Variants in MAX observed in about 807,000 individuals in gnomAD.
MAX encodes the protein MYC associated transcriptional regulator X, also known as protein max.
Under a neutral mutation model 22.3 loss-of-function variants are expected in MAX, and 3 were observed. The ratio of observed to expected loss-of-function variants is 0.13; its 90% CI spans 0.06 to 0.35. The LOEUF (loss-of-function observed/expected upper bound fraction) is 0.35, where lower values mean the gene tolerates loss of function less well. Among genes scored for constraint, MAX ranks in the 10% least tolerant of loss-of-function variants. The pLI is 1.00. For synonymous variants in MAX, 72 were observed against 77.7 expected (o/e 0.93, Z 0.39); for missense variants, 119 against 209.4 (o/e 0.57, Z 2.66).
Position 65,012,780 on chromosome 14 carries a change from T to C in MAX, c.172-6496A>G, listed in dbSNP as rs1223061260. Among the ~76,000 whole-genome samples the C allele has an allele frequency of 1.3e-5, 2 of 152,244 alleles. No homozygotes were observed. The highest frequency in any genetic ancestry group is 4.8e-5 in the African/African-American group (2 of 41,458). On this transcript the variant is annotated intron_variant, in intron 3 of 3. Transcript: ENST00000341653. The surrounding 1 kb of genome is among the most constrained non-coding windows in gnomAD (Gnocchi z 5.0). The stretch of plus-strand genomic sequence containing the variant: ...AGGACTATTGTCCAAACCTGTTAAG[T>C]CTGTATCGTGATGGTTACAAATTTT...
In MAX at chr14:65,075,360, C is replaced by T; in HGVS notation, c.*1116G>A. ...AAACCCTTCACTGGCATCTGCTGAC[C>T]ACAGCCAGAACCAGGGCTGGATCAC... On this transcript the variant is annotated 3_prime_UTR_variant, in exon 5 of 5. Coordinates refer to ENST00000358664, the MANE Select transcript of MAX (RefSeq NM_002382.5). This position sits in a 1 kb window ranked among gnomAD's most constrained non-coding sequence, Gnocchi z 4.1. The T allele has an allele frequency of 9.4e-7, 1 of 1,063,358 alleles. No homozygotes were observed. 65.9% of individuals were successfully genotyped at this position (1,063,358 alleles called of 1,614,324 possible).
intron 3 of MAX, among the ~76,000 whole-genome samples, chr14:65,036,864 C>T (rs185834539): frequency 2.4e-4 from 37 of 152,234 alleles, no homozygotes; most frequent in African/African-American, 8.4e-4. Context: ...TCTCAAACTC[C>T]TGACCTCAAG....
At chr14:65,066,723 G>A (rs1410407855) in intron 3 of MAX, among the ~76,000 whole-genome samples, 2 of 151,902 alleles carry the variant, frequency 1.3e-5, no homozygotes, top group African/African-American at 4.8e-5. Flanking sequence ...GCATGGTGGT[G>A]CATACCTGTA....
chr14:65,080,095 A>G (rs1291477155), intron 3 of MAX, among the ~76,000 whole-genome samples: 1 of 152,216 alleles, frequency 6.6e-6, no homozygotes, highest in Non-Finnish European at 1.5e-5. Context: ...GACTAGAGAC[A>G]CCACGGGAAA....
intron 3 of MAX, among the ~76,000 whole-genome samples, chr14:65,020,194 A>C (rs949166622): frequency 6.6e-6 from 1 of 152,248 alleles, no homozygotes; most frequent in Non-Finnish European, 1.5e-5. Flanking sequence ...GTCAGCTGCT[A>C]TGACCGCTGA....
chr14:65,031,979 CGT>C lies in MAX; in HGVS notation c.172-25697_172-25696del, dbSNP rs563468928. On this transcript the variant is annotated intron_variant, in intron 3 of 3. Coordinates refer to the MAX transcript ENST00000341653. The surrounding 1 kb of genome is among the most constrained non-coding windows in gnomAD (Gnocchi z 4.6). ...ATAGACGTGCGCCTTTTTCATTTAA[CGT>C]GTGTGTGTGTGTGTGTGTGTGTGTG... 0.09 allele frequency among the ~76,000 whole-genome samples: 12,624 copies of C among 140,958 alleles called. 1,214 individuals are homozygous for C. The highest frequency in any genetic ancestry group is 0.26 in the African/African-American group (9,687 of 37,810). The allele number at this position is 140,958 out of a possible 152,430, so 92.5% of individuals were successfully genotyped here.
At chr14:65,041,050 G>T in intron 3 of MAX, 2 of 1,423,764 alleles carry the variant, frequency 1.4e-6, no homozygotes, top group Non-Finnish European at 1.9e-6. Flanking sequence ...CCAACACAGA[G>T]GAAGGAGTGA....
chr14:65,018,751 G>A (rs924492836), intron 3 of MAX, among the ~76,000 whole-genome samples: 6 of 148,200 alleles, frequency 4.0e-5, no homozygotes, highest in Non-Finnish European at 8.9e-5. Context: ...TGGACGTTGC[G>A]ACGAGCCAAG....
chr14:65,073,420 G>C (rs2063009764), downstream of MAX, among the ~76,000 whole-genome samples: 1 of 152,154 alleles, frequency 6.6e-6, no homozygotes, highest in East Asian at 1.9e-4. Flanking sequence ...AGTTGTTGAT[G>C]TTTTACAATG....
chr14:65,098,475 T>C (rs2063731094), intron 2 of MAX, among the ~76,000 whole-genome samples: 1 of 152,202 alleles, frequency 6.6e-6, no homozygotes, highest in Non-Finnish European at 1.5e-5. Flanking sequence ...CTCAGTCAGG[T>C]GCCATCAAGG....
intron 3 of MAX, among the ~76,000 whole-genome samples, chr14:65,080,280 T>C (rs2063169066): frequency 6.6e-6 from 1 of 152,240 alleles, no homozygotes; most frequent in African/African-American, 2.4e-5. Flanking sequence ...GTTTCTTTAG[T>C]TGAGTCAGTC....
chr14:65,080,280 T>A (rs2063169066), intron 3 of MAX, among the ~76,000 whole-genome samples: 1 of 152,240 alleles, frequency 6.6e-6, no homozygotes, highest in Admixed American at 6.5e-5. Context: ...GTTTCTTTAG[T>A]TGAGTCAGTC....
At position 65,031,923 on chromosome 14, in the gene MAX, T is replaced by C. The variant is rs775457611; in HGVS notation, c.172-25639A>G. On this transcript the variant is annotated intron_variant, in intron 3 of 3. Transcript: ENST00000341653. This position sits in a 1 kb window ranked among gnomAD's most constrained non-coding sequence, Gnocchi z 4.6. ...GCGACAGAGTGAGACCCTGTCTCAATAAAAACCAAAACAAAAGCAAAACAA... is the reference window on the plus strand; with the variant it reads ...GCGACAGAGTGAGACCCTGTCTCAACAAAAACCAAAACAAAAGCAAAACAA... Among the ~76,000 whole-genome samples, 1 of 151,336 alleles carries C rather than the reference T, an allele frequency of 6.6e-6. No homozygotes were observed. The highest frequency in any genetic ancestry group is 6.6e-5 in the Admixed American group (1 of 15,196).
intron 3 of MAX, chr14:65,053,467 A>G (rs930172517): frequency 9.1e-6 from 8 of 877,288 alleles, no homozygotes; most frequent in Non-Finnish European, 1.1e-5. Flanking sequence ...CAGCACCTGC[A>G]TAGCGCTAGG....
chr14:65,038,516 G>A (rs1210704532), intron 3 of MAX, among the ~76,000 whole-genome samples: 3 of 151,812 alleles, frequency 2.0e-5, no homozygotes, highest in South Asian at 2.1e-4. Context: ...TCAGGAGTTC[G>A]AAACCAGCCT....
Position 65,032,214 on chromosome 14 carries a change from A to G in MAX, c.172-25930T>C, listed in dbSNP as rs1395119565. 6.3e-6 allele frequency: 1 copy of G among 158,314 alleles called. No individual in the cohort carries two copies. Among genetic ancestry groups the G allele is most frequent in the East Asian group, 1.9e-4 (1 of 5,396 alleles). The allele number at this position is 158,314 out of a possible 1,614,324, so 9.8% of individuals were successfully genotyped here. ...CTGTAAACAGAAATCCTGGCTCTGA[A>G]ACAGTACTAACATCCAAATGAATGA... On this transcript the variant is annotated intron_variant, in intron 3 of 3. Transcript: ENST00000341653. The surrounding 1 kb of genome is among the most constrained non-coding windows in gnomAD (Gnocchi z 5.0).
chr14:65,022,177 C>T, intron 3 of MAX: 3 of 420,296 alleles, frequency 7.1e-6, no homozygotes, highest in South Asian at 5.2e-5. Flanking sequence ...AGTACGAGAA[C>T]AAGCTTGATG....
chr14:65,044,592 G>A lies in MAX; in HGVS notation c.172-38308C>T, dbSNP rs2062433366. The A allele has an allele frequency of 3.4e-6, 4 of 1,174,224 alleles. No homozygotes were observed. In the Admixed American group the frequency reaches 1.0e-4, roughly 30 times the overall value. The allele number at this position is 1,174,224 out of a possible 1,614,324, so 72.7% of individuals were successfully genotyped here. The stretch of plus-strand genomic sequence containing the variant: ...GCCCAGTGTGGAACCTCATGCCGTG[G>A]GGCATGCGAATGCAGAGTAAGATTT... On this transcript the variant is annotated intron_variant, in intron 3 of 3. Transcript: ENST00000341653. The surrounding 1 kb of genome is among the most constrained non-coding windows in gnomAD (Gnocchi z 5.5).
rs1016263398 is a variant in MAX at position 65,083,719 on chromosome 14, G to A, written c.172-5683C>T. 8 of 1,050,882 alleles carry A rather than the reference G, an allele frequency of 7.6e-6. No individual in the cohort carries two copies. The African/African-American group carries it at 1.3e-4, about 18-fold the overall frequency. 65.1% of individuals were successfully genotyped at this position (1,050,882 alleles called of 1,614,324 possible). On this transcript the variant is annotated intron_variant, in intron 3 of 4. Transcript: ENST00000358664. ...AGAACCAAAATGCCATATCTGGAGG[G>A]ATGAAAAAAGAGGTACTGCTGGACT...
Sources: gnomAD v4.1 joint callset for allele counts (sites outside exome capture counted in the v4.1 genomes callset) on GRCh38, gnomAD v4.1.1 for gene constraint, Gnocchi (gnomAD v3.1) non-coding constraint, MANE v1.5 for transcripts, NCBI Gene and HGNC (gene_info 2026-07-23, HGNC 2026-07-21) for gene names.